Variants in CTDSP1 observed in about 807,000 individuals in gnomAD.
CTDSP1 encodes carboxy-terminal domain RNA polymerase II polypeptide A small phosphatase 1.
A neutral mutation model predicts 32.5 loss-of-function variants in CTDSP1; 15 were observed. That is an observed-to-expected ratio of 0.46 (90% CI 0.31 to 0.71). The LOEUF is 0.71. Ranked by LOEUF, CTDSP1 falls within the 30% of genes least tolerant of loss-of-function variation. The pLI is 0.05. For missense variants in CTDSP1, 294 were observed against 351.1 expected, an observed-to-expected ratio of 0.84 and a Z score of 1.30; for synonymous variants, 185 against 145.4, an observed-to-expected ratio of 1.27 and a Z score of -1.96.
intron 5 of CTDSP1, 39 bp from the exon 6 acceptor site, chr2:218,403,193 A>T: frequency 6.2e-7 from 1 of 1,612,014 alleles, no homozygotes; most frequent in Admixed American, 1.7e-5. Flanking sequence ...CAGCCCAATG[A>T]ACCTGCGGGC....
In CTDSP1 at chr2:218,399,929, T is replaced by G. The variant is rs1290559803; in HGVS notation, c.-162T>G. The G allele has an allele frequency of 2.9e-6, 2 of 682,886 alleles. No individual in the cohort carries two copies. The highest frequency in any genetic ancestry group is 5.0e-5 in the South Asian group (1 of 20,150). The allele number at this position is 682,886 out of a possible 1,614,324, so 42.3% of individuals were successfully genotyped here. A position where few individuals can be genotyped will look rare whatever the true frequency, so the allele number is the denominator to read the frequency against. On this transcript the variant is annotated 5_prime_UTR_variant, in exon 1 of 7. Transcript: ENST00000273062. ...CAAAGTTTCCTCCGCGCCCCCTCCC[T>G]CCCCCTCCCCCCTAGAACCTGGCTC... is the stretch of plus-strand genomic sequence containing the variant.
chr2:218,400,404 A>C, intron 1 of CTDSP1: 1 of 508,770 alleles, frequency 2.0e-6, no homozygotes, highest in Non-Finnish European at 3.4e-6. Flanking sequence ...GCAGGAATAG[A>C]GAGGGAACTC....
At chr2:218,398,364 G>C (rs575536918), upstream of CTDSP1, 1 of 1,510,224 alleles carries the variant, frequency 6.6e-7, no homozygotes, top group Non-Finnish European at 8.9e-7. Flanking sequence ...AGCCAGAGCA[G>C]GCCTAGGAAA....
intron 4 of CTDSP1, chr2:218,402,744 G>GCC: frequency 1.3e-6 from 1 of 747,732 alleles, no homozygotes. Context: ...CTTGGGGTGA[G>GCC]GGGGCTGCCC....
intron 1 of CTDSP1, chr2:218,400,504 G>C (rs1408156286): frequency 4.9e-6 from 2 of 404,776 alleles, no homozygotes; most frequent in Non-Finnish European, 9.5e-6. Flanking sequence ...GAGCTGAGGA[G>C]GGCGCCTATG....
At position 218,403,566 on chromosome 2, in the gene CTDSP1, ACT is replaced by A. The variant is rs151101762; in HGVS notation, c.657+151_657+152del. 3,684 of 645,510 alleles carry A rather than the reference ACT, an allele frequency of 5.7e-3. 112 individuals are homozygous for A. The African/African-American group carries it at 0.06, about 10-fold the overall frequency. The allele number at this position is 645,510 out of a possible 1,614,324, so 40.0% of individuals were successfully genotyped here. ...CATTCATTGCCTGTGCCTGCCGCCC[ACT>A]CCCCTCATCCACCTGCCCTGTAGCC... On this transcript the variant is annotated intron_variant, in intron 6 of 6. Transcript: ENST00000273062.
chr2:218,398,346 G>A (rs1384671334), upstream of CTDSP1: 7 of 1,421,812 alleles, frequency 4.9e-6, no homozygotes, highest in South Asian at 8.6e-5. Context: ...AATGAGATTA[G>A]GGGGCGCAGC....
At chr2:218,398,359 G>C (rs1033199590), upstream of CTDSP1, 7 of 1,487,700 alleles carry the variant, frequency 4.7e-6, no homozygotes, top group Non-Finnish European at 6.3e-6. Context: ...GGCGCAGCCA[G>C]AGCAGGCCTA....
At chr2:218,398,477 G>C (rs762235820), upstream of CTDSP1, 26 of 1,526,514 alleles carry the variant, frequency 1.7e-5, no homozygotes, top group Non-Finnish European at 2.3e-5. Flanking sequence ...CCCGGGGACC[G>C]GGGTATCAGT....
At chr2:218,396,370 C>T (rs1331837635), upstream of CTDSP1, 1 of 152,508 alleles carries the variant, frequency 6.6e-6, no homozygotes, top group African/African-American at 2.4e-5. Flanking sequence ...TCCCTCAGAC[C>T]CCAGCCCAGG....
chr2:218,401,482 CAG>C, intron 1 of CTDSP1, 80 bp from the exon 2 acceptor site: 22 of 1,518,082 alleles, frequency 1.4e-5, no homozygotes, highest in Non-Finnish European at 1.9e-5. Context: ...CCTCCTGGCT[CAG>C]GGGTTCACAC....
intron 1 of CTDSP1, chr2:218,401,136 G>C (rs1053718333): frequency 2.7e-6 from 1 of 366,190 alleles, no homozygotes; most frequent in Admixed American, 3.4e-5. Flanking sequence ...CGTACCCACG[G>C]GGGTGGAGAG....
rs71415833 is a variant in CTDSP1, at chr2:218,403,443, G to A, written c.657+26G>A. The A allele has an allele frequency of 9.3e-3, 14,424 of 1,552,020 alleles. 76 individuals are homozygous for A. Among genetic ancestry groups the A allele is most frequent in the Non-Finnish European group, 0.011 (13,040 of 1,148,842 alleles). On this transcript the variant is annotated intron_variant, in intron 6 of 6. Transcript: ENST00000273062. ...GTGAGTGCGGGCTGGACTGGGACTG[G>A]GACAGGAGCTGAGACCCAGGAAGGG...
In CTDSP1 at chr2:218,400,180, G is replaced by A. The variant is rs766562413; in HGVS notation, c.67+23G>A. 5 of 1,532,574 alleles carry A rather than the reference G, an allele frequency of 3.3e-6. No homozygotes were observed. In the African/African-American group the frequency reaches 4.2e-5, roughly 13 times the overall value. The allele number at this position is 1,532,574 out of a possible 1,614,324, so 94.9% of individuals were successfully genotyped here. On this transcript the variant is annotated intron_variant, in intron 1 of 6. Transcript: ENST00000273062. ...AAGGTACCGGGGCTGCGGGGAGGGG[G>A]CCGAAGCCGGGGCGCCGTGGGAGGA...
upstream of CTDSP1, chr2:218,398,983 A>C (rs1696960935): frequency 6.6e-6 from 1 of 152,044 alleles, no homozygotes; most frequent in African/African-American, 2.4e-5. Context: ...CTTTGGGCCC[A>C]CCGCGTGCGG....
intron 4 of CTDSP1, chr2:218,402,759 A>C (rs1326444654): frequency 1.4e-6 from 1 of 736,860 alleles, no homozygotes; most frequent in African/African-American, 1.7e-5. Flanking sequence ...CTGCCCCTGG[A>C]TTCCTGCACT....
upstream of CTDSP1, chr2:218,399,405 G>C (rs1288596125): frequency 6.6e-6 from 1 of 152,298 alleles, no homozygotes; most frequent in Admixed American, 6.5e-5. Flanking sequence ...GCCTTCGCTG[G>C]CTCTTGACGT....
intron 3 of CTDSP1, 67 bp downstream of exon 3, chr2:218,402,282 A>C: frequency 6.2e-7 from 1 of 1,609,526 alleles, no homozygotes; most frequent in East Asian, 2.2e-5. Flanking sequence ...CCTGGGAGGG[A>C]GGTGTGTGCT....
At chr2:218,398,254 C>G, upstream of CTDSP1, 4 of 689,050 alleles carry the variant, frequency 5.8e-6, no homozygotes, top group Non-Finnish European at 9.9e-6. Context: ...TGCCGGTAGA[C>G]CCGAAGCACG....
Sources: allele counts gnomAD v4.1 joint callset, GRCh38; gene constraint gnomAD v4.1.1; transcripts MANE v1.5; gene names NCBI Gene and HGNC (gene_info 2026-07-23, HGNC 2026-07-21).